SRGAP1: variants seen among roughly 807,000 people sequenced by gnomAD.
SRGAP1 encodes the protein SLIT-ROBO Rho GTPase-activating protein 1.
A neutral mutation model predicts 121.9 loss-of-function variants in SRGAP1; 43 were observed. The observed-to-expected ratio is 0.35, with a 90% CI of 0.28 to 0.46. SRGAP1 has a LOEUF of 0.46. Ranked by LOEUF, SRGAP1 falls within the 20% of genes least tolerant of loss-of-function variation. The pLI, the probability that SRGAP1 is intolerant of heterozygous loss-of-function variation, is 1.00. For missense variants in SRGAP1, 1,102 were observed against 1,350.9 expected (o/e 0.82, Z 2.89); for synonymous variants, 447 against 485.4 (o/e 0.92, Z 1.04).
At chr12:64,044,749 G>A (rs943429387) in intron 6 of SRGAP1, among the ~76,000 whole-genome samples, 1 of 135,738 alleles carries the variant, frequency 7.4e-6, no homozygotes, top group South Asian at 2.3e-4. Flanking sequence ...TGGCACTATC[G>A]CGGCTTACTT....
intron 4 of SRGAP1, among the ~76,000 whole-genome samples, chr12:64,025,354 C>T (rs943508746): frequency 2.0e-5 from 3 of 151,990 alleles, no homozygotes; most frequent in Admixed American, 6.6e-5. Flanking sequence ...AAAGTCATTC[C>T]GAGAGCCCAA....
intron 1 of SRGAP1, among the ~76,000 whole-genome samples, chr12:63,907,401 G>A (rs2030265826): frequency 6.6e-6 from 1 of 151,952 alleles, no homozygotes; most frequent in South Asian, 2.1e-4. Flanking sequence ...AGCTGGGTGT[G>A]GTGGCAGGCA....
chr12:64,005,187 A>T (rs1348537563), intron 3 of SRGAP1, among the ~76,000 whole-genome samples: 2 of 152,226 alleles, frequency 1.3e-5, no homozygotes, highest in African/African-American at 4.8e-5. Flanking sequence ...TAAAAAAGGA[A>T]AGATCTTGAC....
intron 1 of SRGAP1, among the ~76,000 whole-genome samples, chr12:63,916,027 CT>C (rs1565948892): frequency 3.5e-5 from 3 of 86,330 alleles, no homozygotes; most frequent in African/African-American, 1.2e-4. Flanking sequence ...CTTTTCTTTT[CT>C]TTTCTTTTTT....
chr12:63,881,614 T>A (rs1900196081), intron 1 of SRGAP1, among the ~76,000 whole-genome samples: 2 of 152,250 alleles, frequency 1.3e-5, no homozygotes, highest in African/African-American at 2.4e-5. Context: ...AGCTTAAATA[T>A]GATAATTCAG....
intron 1 of SRGAP1, among the ~76,000 whole-genome samples, chr12:63,936,688 G>T (rs956483686): frequency 6.6e-6 from 1 of 152,108 alleles, no homozygotes; most frequent in African/African-American, 2.4e-5. Flanking sequence ...TTTACTTATA[G>T]GTTTGTAAGA....
chr12:63,871,810 C>T (rs1030225789), intron 1 of SRGAP1: 7 of 1,360,580 alleles, frequency 5.1e-6, no homozygotes, highest in Non-Finnish European at 7.4e-6. Flanking sequence ...CTGTTAATGG[C>T]CAGCATCCTC....
chr12:63,978,305 A>C (rs1255496654), intron 1 of SRGAP1, among the ~76,000 whole-genome samples: 2 of 152,218 alleles, frequency 1.3e-5, no homozygotes, highest in Admixed American at 6.5e-5. Flanking sequence ...CCAGAGCCAC[A>C]ATCAATTTTT....
intron 6 of SRGAP1, among the ~76,000 whole-genome samples, chr12:64,059,996 A>T (rs763391694): frequency 2.6e-5 from 4 of 151,890 alleles, no homozygotes; most frequent in Non-Finnish European, 5.9e-5. Context: ...CCCAAAAGAC[A>T]TGGTTGCAGG....
chr12:63,996,359 C>T (rs959119194), intron 3 of SRGAP1, among the ~76,000 whole-genome samples: 2 of 151,990 alleles, frequency 1.3e-5, no homozygotes, highest in African/African-American at 2.4e-5. Flanking sequence ...AATAGGCTAC[C>T]TCATGACTAC....
intron 14 of SRGAP1, among the ~76,000 whole-genome samples, chr12:64,096,676 C>T (rs892625666): frequency 3.3e-5 from 5 of 152,100 alleles, no homozygotes; most frequent in African/African-American, 1.2e-4. Flanking sequence ...TTTCAAGTTC[C>T]TCTATCTGAT....
At chr12:64,003,757 G>T (rs915242363) in intron 3 of SRGAP1, among the ~76,000 whole-genome samples, 4 of 152,092 alleles carry the variant, frequency 2.6e-5, no homozygotes, top group African/African-American at 9.7e-5. Flanking sequence ...AAGGAGAGGA[G>T]AAAGAGTGTG....
At chr12:63,964,867 CG>C (rs1482492436) in intron 1 of SRGAP1, among the ~76,000 whole-genome samples, 1 of 152,178 alleles carries the variant, frequency 6.6e-6, no homozygotes, top group Non-Finnish European at 1.5e-5. Context: ...AAATGAAAAT[CG>C]TACTACTTTG....
chr12:63,913,966 CTATT>C (rs1193405752), intron 1 of SRGAP1, among the ~76,000 whole-genome samples: 1 of 151,804 alleles, frequency 6.6e-6, no homozygotes, highest in African/African-American at 2.4e-5. Flanking sequence ...TTGGGAAGCA[CTATT>C]TATTATTTTT....
chr12:64,089,221 A>G (rs2036002723), intron 11 of SRGAP1, among the ~76,000 whole-genome samples: 1 of 152,194 alleles, frequency 6.6e-6, no homozygotes, highest in South Asian at 2.1e-4. Context: ...AAGGCCAGGT[A>G]TAGGACAACT....
In SRGAP1 at chr12:64,042,919, G is replaced by C. The variant is rs768879478; in HGVS notation, c.619G>C (p.Glu207Gln). ...TCCAGTCTTCCATATTCGACTAGAG[G>C]AGAGACATCAACGGCGAAGCTCTGT... ...GDPVFHIRLE[E>Q]RHQRRSSVKK... The change falls in exon 5 of 22, where the codon GAG becomes CAG. Residue 207 changes from glutamate (E) to glutamine (Q), a missense_variant. By Grantham distance (29) the Glu-to-Gln change is conservative. Coordinates refer to ENST00000355086, the MANE Select transcript of SRGAP1 (RefSeq NM_020762.4). The C allele has an allele frequency of 6.2e-7, 1 of 1,613,962 alleles. No homozygotes were observed. The highest frequency in any genetic ancestry group is 8.5e-7 in the Non-Finnish European group (1 of 1,179,926).
At chr12:63,983,202 G>A (rs1354210417) in intron 1 of SRGAP1, 2 of 152,204 alleles carry the variant, frequency 1.3e-5, no homozygotes, top group African/African-American at 2.4e-5. Flanking sequence ...GTCAGTCTCT[G>A]TATGTGCCAA....
chr12:63,907,459 T>A (rs111873677), intron 1 of SRGAP1, among the ~76,000 whole-genome samples: 20,637 of 151,708 alleles, frequency 0.14, 1,455 homozygotes, highest in Middle Eastern at 0.21. Flanking sequence ...AATCGCTTGA[T>A]CCTGGGAGGT....
chr12:64,109,148 G>T lies in SRGAP1; in HGVS notation c.1919+111G>T, dbSNP rs145924385. 2.7e-3 allele frequency: 1,715 copies of T among 627,832 alleles called. 16 individuals are homozygous for T. In the African/African-American group the frequency reaches 0.027, roughly 10 times the overall value. 38.9% of individuals were successfully genotyped at this position (627,832 alleles called of 1,614,324 possible). On this transcript the variant is annotated intron_variant, in intron 16 of 21. Coordinates refer to ENST00000355086, the MANE Select transcript of SRGAP1 (RefSeq NM_020762.4). ...TATCAGCAGAGTCAAAGAGAAAAAT[G>T]ATTGAATATACATTGAAAAATGTAC...
Sources: gnomAD v4.1 joint callset for allele counts (sites outside exome capture counted in the v4.1 genomes callset) on GRCh38, gnomAD v4.1.1 for gene constraint, MANE v1.5 for transcripts, NCBI Gene and HGNC (gene_info 2026-07-23, HGNC 2026-07-21) for gene names.